RYR2: variants seen among roughly 807,000 people sequenced by gnomAD.
RYR2 encodes ryanodine receptor 2.
Under a neutral mutation model 601.1 loss-of-function variants are expected in RYR2, and 227 were observed. That is an observed-to-expected ratio of 0.38 (90% CI 0.34 to 0.42). RYR2 has a LOEUF of 0.42. Among genes scored for constraint, RYR2 ranks in the 10% least tolerant of loss-of-function variants. RYR2 has a pLI of 1.00. For missense variants in RYR2, 4,646 were observed against 6,156.5 expected (o/e 0.75, Z 8.21); for synonymous variants, 2,223 against 2,175.1 (o/e 1.02, Z -0.61).
intron 1 of RYR2, among the ~76,000 whole-genome samples, chr1:237,258,167 TAAA>T (rs5781947): frequency 1.8e-4 from 20 of 108,248 alleles, no homozygotes; most frequent in Admixed American, 1.9e-4. Context: ...AGACTCCATC[TAAA>T]AAAAAAAAAA....
chr1:237,453,716 A>G (rs1169445013), intron 14 of RYR2, among the ~76,000 whole-genome samples: 2 of 152,156 alleles, frequency 1.3e-5, no homozygotes, highest in Non-Finnish European at 2.9e-5. Flanking sequence ...TTCTTTTCAG[A>G]TACATTCAAA....
At chr1:237,589,736 A>C (rs577460385) in intron 29 of RYR2, 57 bp from the exon 30 acceptor site, 2 of 1,517,896 alleles carry the variant, frequency 1.3e-6, no homozygotes, top group Non-Finnish European at 1.8e-6. Flanking sequence ...TGATAATTCT[A>C]TACTAACAGG....
intron 10 of RYR2, among the ~76,000 whole-genome samples, chr1:237,399,578 A>G (rs1703159236): frequency 6.6e-6 from 1 of 152,238 alleles, no homozygotes. Context: ...CTACTTCTGC[A>G]GAAGGGTGTC....
chr1:237,647,678 T>C (rs1329060047), intron 48 of RYR2, among the ~76,000 whole-genome samples: 1 of 152,264 alleles, frequency 6.6e-6, no homozygotes, highest in Non-Finnish European at 1.5e-5. Context: ...TGAAAATTTC[T>C]GTGATAGTAT....
rs550197027 is a variant in RYR2, at chr1:237,217,145, C to T, written c.49-53352C>T. Among the ~76,000 whole-genome samples the T allele has an allele frequency of 9.9e-5, 15 of 152,258 alleles. 1 individual carries two copies. The South Asian group carries it at 2.9e-3, about 29-fold the overall frequency. ...GGGGAGGCTTTTCTGATGGGGACCT[C>T]GACTGGTAGGACACTGAGTATCATG... On this transcript the variant is annotated intron_variant, in intron 1 of 104. Transcript: ENST00000366574.
intron 25 of RYR2, among the ~76,000 whole-genome samples, chr1:237,544,224 C>T (rs1348978698): frequency 1.3e-5 from 2 of 151,974 alleles, no homozygotes; most frequent in Admixed American, 6.6e-5. Context: ...ATATATTCCT[C>T]ATAAGCTAAT....
chr1:237,667,534 A>G (rs951490365), intron 57 of RYR2, among the ~76,000 whole-genome samples: 1 of 152,226 alleles, frequency 6.6e-6, no homozygotes, highest in Non-Finnish European at 1.5e-5. Flanking sequence ...TTCAAGTTGC[A>G]TAAGGTTTAG....
intron 1 of RYR2, among the ~76,000 whole-genome samples, chr1:237,154,796 A>G (rs982153995): frequency 6.6e-6 from 1 of 152,052 alleles, no homozygotes; most frequent in African/African-American, 2.4e-5. Flanking sequence ...TGTTTTTCCT[A>G]TTTTCTTCTT....
chr1:237,750,056 G>A (rs2149242858), intron 80 of RYR2, among the ~76,000 whole-genome samples: 1 of 152,256 alleles, frequency 6.6e-6, no homozygotes, highest in Non-Finnish European at 1.5e-5. Flanking sequence ...CGAGGCACAG[G>A]AATCGCTTGA....
At chr1:237,607,711 A>G (rs1220666424) in intron 35 of RYR2, among the ~76,000 whole-genome samples, 2 of 152,254 alleles carry the variant, frequency 1.3e-5, no homozygotes, top group Admixed American at 6.5e-5. Context: ...GCTAATCAAA[A>G]AGTAGAAGAG....
chr1:237,334,440 A>AATATATATATATAT (rs58982184), intron 3 of RYR2, among the ~76,000 whole-genome samples: 8 of 146,074 alleles, frequency 5.5e-5, no homozygotes, highest in South Asian at 2.2e-4. Context: ...GTTTAATTAA[A>AATATATATATATAT]ATATATATAT....
intron 2 of RYR2, among the ~76,000 whole-genome samples, chr1:237,301,467 A>T (rs889859903): frequency 5.9e-5 from 9 of 152,182 alleles, no homozygotes; most frequent in Non-Finnish European, 1.3e-4. Flanking sequence ...GTTTGTCCTT[A>T]CAATTGCAAA....
At chr1:237,454,715 C>T (rs1330098541) in intron 15 of RYR2, 141 bp downstream of exon 15, 33 of 702,560 alleles carry the variant, frequency 4.7e-5, no homozygotes, top group Non-Finnish European at 7.8e-5. Context: ...ACAGGAGAAA[C>T]AGGCCTTAGA....
intron 29 of RYR2, among the ~76,000 whole-genome samples, chr1:237,575,250 G>A (rs1253372668): frequency 6.6e-5 from 10 of 152,176 alleles, no homozygotes; most frequent in Non-Finnish European, 1.5e-4. Context: ...TGACACTTCA[G>A]CTTTTACCCA....
chr1:237,779,532 G>A (rs905519461), intron 88 of RYR2, among the ~76,000 whole-genome samples: 2 of 152,152 alleles, frequency 1.3e-5, no homozygotes, highest in African/African-American at 4.8e-5. Flanking sequence ...TCTAATTCCT[G>A]AGCTGCCATG....
At chr1:237,443,362 T>C (rs1331622043) in intron 13 of RYR2, among the ~76,000 whole-genome samples, 1 of 152,162 alleles carries the variant, frequency 6.6e-6, no homozygotes, top group Non-Finnish European at 1.5e-5. Context: ...ACAGTTGAAA[T>C]TGTTTTTATG....
intron 63 of RYR2, among the ~76,000 whole-genome samples, chr1:237,695,688 C>T (rs997793529): frequency 1.3e-5 from 2 of 152,140 alleles, no homozygotes; most frequent in Non-Finnish European, 2.9e-5. Context: ...AAAAGCCTTA[C>T]CACATGCTTT....
intron 33 of RYR2, among the ~76,000 whole-genome samples, chr1:237,594,591 G>T (rs1002287557): frequency 6.6e-6 from 1 of 152,152 alleles, no homozygotes; most frequent in Non-Finnish European, 1.5e-5. Flanking sequence ...ACTGAAAGAT[G>T]ATTTTGTTGG....
intron 10 of RYR2, among the ~76,000 whole-genome samples, chr1:237,416,755 C>CAGAG (rs1209983083): frequency 3.6e-5 from 2 of 55,712 alleles, no homozygotes; most frequent in African/African-American, 1.5e-4. Flanking sequence ...AAGAAACACA[C>CAGAG]ACACACACAG....
Sources: gnomAD v4.1 joint callset for allele counts (sites outside exome capture counted in the v4.1 genomes callset) on GRCh38, gnomAD v4.1.1 for gene constraint, MANE v1.5 for transcripts, NCBI Gene and HGNC (gene_info 2026-07-23, HGNC 2026-07-21) for gene names.